Variants in DEPTOR observed in about 807,000 individuals in gnomAD.
The protein encoded by DEPTOR is DEP domain-containing mTOR-interacting protein.
DEPTOR carries 41 observed loss-of-function variants against 41.6 expected under a neutral mutation model. That is an observed-to-expected ratio of 0.98 (90% CI 0.77 to 1.28). The LOEUF is 1.28. DEPTOR is among the 50% of genes most tolerant of loss of function. The pLI is 0.00. For synonymous variants in DEPTOR, 195 were observed against 192.3 expected (o/e 1.01, Z -0.12); for missense variants, 514 against 527.9 (o/e 0.97, Z 0.26).
chr8:119,957,590 C>A (rs868377753), intron 3 of DEPTOR, among the ~76,000 whole-genome samples: 12 of 145,070 alleles, frequency 8.3e-5, no homozygotes, highest in South Asian at 6.6e-4. Flanking sequence ...TTCTTTCTTT[C>A]TTTCTTTTTT....
intron 3 of DEPTOR, among the ~76,000 whole-genome samples, chr8:119,944,886 C>T (rs1366271911): frequency 6.6e-6 from 1 of 152,044 alleles, no homozygotes; most frequent in Non-Finnish European, 1.5e-5. Context: ...AATCTCTTGA[C>T]CTCATGATCT....
At position 120,049,805 on chromosome 8, in the gene DEPTOR, G is replaced by T; in HGVS notation, c.*101G>T. The T allele has an allele frequency of 2.7e-6, 4 of 1,482,256 alleles. No individual in the cohort carries two copies. Among genetic ancestry groups the T allele is most frequent in the Non-Finnish European group, 3.7e-6 (4 of 1,090,936 alleles). 91.8% of individuals were successfully genotyped at this position (1,482,256 alleles called of 1,614,324 possible). On this transcript the variant is annotated 3_prime_UTR_variant, in exon 9 of 9. Coordinates refer to ENST00000286234, the MANE Select transcript of DEPTOR (RefSeq NM_022783.4). The stretch of plus-strand genomic sequence containing the variant: ...GATTGCCATGCAAATGGATGGTTTT[G>T]GACATACGAGTCTTCTCCGCACATA...
intron 1 of DEPTOR, among the ~76,000 whole-genome samples, chr8:119,900,180 C>T (rs1007823907): frequency 8.6e-5 from 13 of 151,484 alleles, no homozygotes; most frequent in South Asian, 2.1e-4. Context: ...ATTAGCCAGG[C>T]GTGGTGGCGC....
At chr8:119,999,232 A>G (rs893715685) in intron 4 of DEPTOR, among the ~76,000 whole-genome samples, 3 of 151,840 alleles carry the variant, frequency 2.0e-5, no homozygotes, top group Non-Finnish European at 4.4e-5. Context: ...AGATTGTGCC[A>G]TTGCACTCCA....
chr8:119,896,527 TCTCG>T (rs1220867159), intron 1 of DEPTOR, among the ~76,000 whole-genome samples: 2 of 149,824 alleles, frequency 1.3e-5, no homozygotes, highest in African/African-American at 4.9e-5. Flanking sequence ...TGAGCCTGAG[TCTCG>T]CTCTGTTGCC....
intron 3 of DEPTOR, among the ~76,000 whole-genome samples, chr8:119,934,637 G>A (rs949990902): frequency 1.3e-5 from 2 of 152,222 alleles, no homozygotes; most frequent in Non-Finnish European, 2.9e-5. Context: ...CACACTGCTT[G>A]ACATGGACTG....
chr8:120,028,792 T>A (rs1812840971), intron 8 of DEPTOR, among the ~76,000 whole-genome samples: 1 of 151,492 alleles, frequency 6.6e-6, no homozygotes, highest in Non-Finnish European at 1.5e-5. Flanking sequence ...TTTTTTAAAA[T>A]TAAGTATTGC....
intron 8 of DEPTOR, among the ~76,000 whole-genome samples, chr8:120,031,206 C>A (rs1480454755): frequency 6.6e-6 from 1 of 152,022 alleles, no homozygotes; most frequent in Non-Finnish European, 1.5e-5. Context: ...GTGGCTCATG[C>A]CTGTAATCCC....
At chr8:120,012,565 C>G (rs1812545954) in intron 8 of DEPTOR, among the ~76,000 whole-genome samples, 2 of 151,948 alleles carry the variant, frequency 1.3e-5, no homozygotes, top group Non-Finnish European at 2.9e-5. Flanking sequence ...GAGACAGAGT[C>G]TGGCTTTGTT....
At chr8:120,038,505 A>G (rs1476711029) in intron 8 of DEPTOR, among the ~76,000 whole-genome samples, 1 of 151,098 alleles carries the variant, frequency 6.6e-6, no homozygotes, top group Non-Finnish European at 1.5e-5. Flanking sequence ...GTGGGAGGAT[A>G]TAGCTTGAAC....
intron 3 of DEPTOR, among the ~76,000 whole-genome samples, chr8:119,948,922 G>A (rs1439082442): frequency 6.6e-6 from 1 of 151,956 alleles, no homozygotes; most frequent in Non-Finnish European, 1.5e-5. Context: ...CAAATAGCTG[G>A]GATTACAGAC....
intron 8 of DEPTOR, among the ~76,000 whole-genome samples, chr8:120,013,362 T>C (rs1011915624): frequency 2.0e-5 from 3 of 152,222 alleles, no homozygotes; most frequent in African/African-American, 7.2e-5. Context: ...TTGTACATTA[T>C]TTTCTTACCG....
chr8:119,964,847 G>A (rs1828536546), intron 3 of DEPTOR, among the ~76,000 whole-genome samples: 1 of 152,108 alleles, frequency 6.6e-6, no homozygotes, highest in Non-Finnish European at 1.5e-5. Context: ...GCCGAGACGG[G>A]TGGATCACCT....
At chr8:119,928,364 C>T in intron 1 of DEPTOR, 36 bp from the exon 2 acceptor site, 1 of 1,599,478 alleles carries the variant, frequency 6.3e-7, no homozygotes, top group Non-Finnish European at 8.5e-7. Context: ...GTGCTGTCAT[C>T]AGAATTTCCA....
At chr8:120,035,733 C>T (rs1298086304) in intron 8 of DEPTOR, among the ~76,000 whole-genome samples, 2 of 152,096 alleles carry the variant, frequency 1.3e-5, no homozygotes, top group Admixed American at 6.6e-5. Context: ...GGTTTCGCCA[C>T]GTTGGCCAGG....
chr8:119,917,277 A>T (rs1232905652), intron 1 of DEPTOR, among the ~76,000 whole-genome samples: 1 of 152,186 alleles, frequency 6.6e-6, no homozygotes, highest in Non-Finnish European at 1.5e-5. Flanking sequence ...CTCCATGTTG[A>T]TTTCAAAGAC....
chr8:119,923,445 G>A (rs1827923781), intron 1 of DEPTOR, among the ~76,000 whole-genome samples: 1 of 151,956 alleles, frequency 6.6e-6, no homozygotes, highest in Admixed American at 6.6e-5. Flanking sequence ...GTTTTGCCAT[G>A]TTGCCCAGGC....
At chr8:119,886,864 G>A (rs1827371007) in intron 1 of DEPTOR, among the ~76,000 whole-genome samples, 1 of 152,008 alleles carries the variant, frequency 6.6e-6, no homozygotes, top group Non-Finnish European at 1.5e-5. Context: ...TTTGGCAAAT[G>A]ATACCATTTC....
chr8:119,994,704 T>C (rs1473184415), intron 4 of DEPTOR, among the ~76,000 whole-genome samples: 21 of 151,806 alleles, frequency 1.4e-4, no homozygotes, highest in Admixed American at 1.4e-3. Flanking sequence ...GATCACGAGG[T>C]CAGGAGTTTA....
Sources: allele counts gnomAD v4.1 joint callset (sites outside exome capture counted in the v4.1 genomes callset), GRCh38; gene constraint gnomAD v4.1.1; transcripts MANE v1.5; gene names NCBI Gene and HGNC (gene_info 2026-07-23, HGNC 2026-07-21).